CNTNAP2: variants seen among roughly 807,000 people sequenced by gnomAD.
CNTNAP2 encodes contactin associated protein 2.
Under a neutral mutation model 155.2 loss-of-function variants are expected in CNTNAP2, and 98 were observed. The ratio of observed to expected loss-of-function variants is 0.63; its 90% CI spans 0.54 to 0.75. The LOEUF (loss-of-function observed/expected upper bound fraction) is 0.75. CNTNAP2 is among the 30% of genes least tolerant of loss of function. The pLI, the probability that CNTNAP2 is intolerant of heterozygous loss-of-function variation, is 0.00. For synonymous variants in CNTNAP2, 651 were observed against 631.2 expected, an observed-to-expected ratio of 1.03 and a Z score of -0.47; for missense variants, 1,727 against 1,688.1, an observed-to-expected ratio of 1.02 and a Z score of -0.40.
intron 13 of CNTNAP2, among the ~76,000 whole-genome samples, chr7:147,726,348 G>C (rs917511392): frequency 2.0e-5 from 3 of 151,976 alleles, no homozygotes; most frequent in Non-Finnish European, 4.4e-5. Flanking sequence ...TAATGTAACT[G>C]AACCCAGGAC....
intron 1 of CNTNAP2, among the ~76,000 whole-genome samples, chr7:146,151,227 G>T (rs1012226713): frequency 6.6e-6 from 1 of 151,984 alleles, no homozygotes; most frequent in Admixed American, 6.6e-5. Context: ...GGGACACTAA[G>T]CCTAACCATA....
intron 10 of CNTNAP2, among the ~76,000 whole-genome samples, chr7:147,464,556 TATC>T (rs1798082045): frequency 6.6e-6 from 1 of 151,420 alleles, no homozygotes; most frequent in African/African-American, 2.4e-5. Context: ...GCACTCTTAA[TATC>T]ATGGAATTGC....
intron 12 of CNTNAP2, among the ~76,000 whole-genome samples, chr7:147,610,874 G>A (rs551737110): frequency 7.9e-5 from 12 of 152,156 alleles, no homozygotes; most frequent in Admixed American, 3.9e-4. Context: ...AAGTAGCTAG[G>A]ATCACAGGTG....
intron 16 of CNTNAP2, among the ~76,000 whole-genome samples, chr7:148,118,813 AAGT>A (rs1423390862): frequency 6.6e-6 from 1 of 152,176 alleles, no homozygotes; most frequent in African/African-American, 2.4e-5. Context: ...CACCCTCTGC[AAGT>A]GAGTTCTGGA....
At chr7:146,500,361 T>G (rs1275160948) in intron 1 of CNTNAP2, among the ~76,000 whole-genome samples, 1 of 152,166 alleles carries the variant, frequency 6.6e-6, no homozygotes, top group Non-Finnish European at 1.5e-5. Flanking sequence ...TCAAACCATC[T>G]GCCTGATAGA....
intron 14 of CNTNAP2, among the ~76,000 whole-genome samples, chr7:147,923,248 T>G (rs1321795876): frequency 6.6e-6 from 1 of 152,176 alleles, no homozygotes; most frequent in Admixed American, 6.5e-5. Context: ...GTACTCAGGT[T>G]AAGATGAAGT....
chr7:146,898,548 C>A (rs1208889345), intron 3 of CNTNAP2, among the ~76,000 whole-genome samples: 1 of 151,436 alleles, frequency 6.6e-6, no homozygotes, highest in Non-Finnish European at 1.5e-5. Context: ...GAAATGGCAT[C>A]TATTGTGTGT....
rs752208333 is a variant in CNTNAP2, at chr7:147,087,692, CA to C, written c.551-20453del. On this transcript the variant is annotated intron_variant, in intron 4 of 23. Coordinates refer to ENST00000361727, the MANE Select transcript of CNTNAP2 (RefSeq NM_014141.6). The stretch of plus-strand genomic sequence containing the variant: ...CTACTTTATTTATAAGAAAAATAAT[CA>C]AGGCCGGGCATGGTGGCTCATGCCT... Among the ~76,000 whole-genome samples the C allele has an allele frequency of 1.2e-4, 18 of 152,048 alleles. 1 individual carries two copies. The highest frequency in any genetic ancestry group is 2.1e-4 in the Non-Finnish European group (14 of 68,004).
chr7:147,597,935 C>T (rs781434221), intron 12 of CNTNAP2, among the ~76,000 whole-genome samples: 2 of 152,204 alleles, frequency 1.3e-5, no homozygotes, highest in Non-Finnish European at 1.5e-5. Context: ...AGAAACAATG[C>T]TCAGTACTTT....
At chr7:146,842,493 T>G (rs1585117819) in intron 3 of CNTNAP2, among the ~76,000 whole-genome samples, 1 of 152,136 alleles carries the variant, frequency 6.6e-6, no homozygotes. Flanking sequence ...GTTCTTGCAC[T>G]GCTGTTAAGA....
rs530116864 is a variant in CNTNAP2 at position 148,378,832 on chromosome 7, G to A, written c.3476-4817G>A. Reference sequence around the variant, plus strand: ...AGATAGTCCAGCCCCACACTGAGCCGGCCTGAGACTCTGAGAAATTGAAAG... The same window carrying A: ...AGATAGTCCAGCCCCACACTGAGCCAGCCTGAGACTCTGAGAAATTGAAAG... On this transcript the variant is annotated intron_variant, in intron 21 of 23. Transcript: ENST00000361727. 9.0e-5 allele frequency among the ~76,000 whole-genome samples: 6 copies of A among 66,824 alleles called. 2 individuals are homozygous for A. The highest frequency in any genetic ancestry group is 2.2e-4 in the African/African-American group (6 of 27,282). The allele number at this position is 66,824 out of a possible 152,430, so 43.8% of individuals were successfully genotyped here.
intron 12 of CNTNAP2, among the ~76,000 whole-genome samples, chr7:147,631,190 G>GA (rs1407946118): frequency 6.6e-6 from 1 of 152,074 alleles, no homozygotes; most frequent in African/African-American, 2.4e-5. Flanking sequence ...CAACCAAGCT[G>GA]AGAAACAAAT....
At chr7:146,443,234 A>AAAT (rs563927169) in intron 1 of CNTNAP2, among the ~76,000 whole-genome samples, 1 of 138,774 alleles carries the variant, frequency 7.2e-6, no homozygotes, top group African/African-American at 2.9e-5. Flanking sequence ...AATAAATAAT[A>AAAT]AATAAATAAA....
intron 9 of CNTNAP2, among the ~76,000 whole-genome samples, chr7:147,332,336 G>T (rs1040935060): frequency 3.3e-5 from 5 of 152,110 alleles, no homozygotes; most frequent in Admixed American, 3.3e-4. Context: ...TTGTGTATTT[G>T]TTTTTAATGA....
At chr7:147,956,892 A>G in intron 14 of CNTNAP2, among the ~76,000 whole-genome samples, 1 of 152,194 alleles carries the variant, frequency 6.6e-6, no homozygotes, top group East Asian at 1.9e-4. Flanking sequence ...GGAATTGACT[A>G]AAGAAAGTGA....
intron 19 of CNTNAP2, among the ~76,000 whole-genome samples, chr7:148,228,324 T>G (rs1028588663): frequency 3.3e-5 from 5 of 152,222 alleles, no homozygotes; most frequent in Non-Finnish European, 7.3e-5. Context: ...TTAGTTATTT[T>G]CAATATTGTT....
intron 1 of CNTNAP2, among the ~76,000 whole-genome samples, chr7:146,709,927 T>C (rs1468291266): frequency 6.6e-6 from 1 of 152,150 alleles, no homozygotes; most frequent in Non-Finnish European, 1.5e-5. Context: ...TATGGGGATT[T>C]AGAACAGCAG....
rs1199149066 is a variant in CNTNAP2 at position 148,283,255 on chromosome 7, A to AAAAGAAAGAAAG, written c.3475+16170_3475+16181dup. Among the ~76,000 whole-genome samples, 117 of 63,616 alleles carry AAAAGAAAGAAAG rather than the reference A, an allele frequency of 1.8e-3. 2 individuals are homozygous for AAAAGAAAGAAAG. Among genetic ancestry groups the AAAAGAAAGAAAG allele is most frequent in the African/African-American group, 5.2e-3 (86 of 16,526 alleles). 41.7% of individuals were successfully genotyped at this position (63,616 alleles called of 152,430 possible). A position where few individuals can be genotyped will look rare whatever the true frequency, so the allele number is the denominator to read the frequency against. The stretch of plus-strand genomic sequence containing the variant: ...ACTCTGTCTCAAAAAAAAAAAAAAA[A>AAAAGAAAGAAAG]AAAGAAAGAAAGAAAGAAAGAAAGA... On this transcript the variant is annotated intron_variant, in intron 21 of 23. Coordinates refer to ENST00000361727, the MANE Select transcript of CNTNAP2 (RefSeq NM_014141.6).
intron 1 of CNTNAP2, among the ~76,000 whole-genome samples, chr7:146,533,561 CT>C (rs1421871564): frequency 6.6e-6 from 1 of 152,150 alleles, no homozygotes; most frequent in Non-Finnish European, 1.5e-5. Flanking sequence ...AGTACACAGT[CT>C]TATAAACACT....
Sources: allele counts gnomAD v4.1 joint callset (sites outside exome capture counted in the v4.1 genomes callset), GRCh38; gene constraint gnomAD v4.1.1; transcripts MANE v1.5; gene names NCBI Gene and HGNC (gene_info 2026-07-23, HGNC 2026-07-21).